The following TET2 variants were observed in gnomAD, a reference collection of about 807,000 sequenced individuals.
TET2 encodes tet methylcytosine dioxygenase 2, also known as methylcytosine dioxygenase TET2.
In TET2, 299 loss-of-function variants were observed where a neutral mutation model predicts 142.9. The observed-to-expected ratio is 2.09, with a 90% CI of 1.90 to 2.30. The LOEUF (loss-of-function observed/expected upper bound fraction) is 2.30. Ranked by LOEUF, TET2 falls within the 30% of genes most tolerant of loss-of-function variation. The pLI is 0.00. For synonymous variants in TET2, 819 were observed against 849.0 expected, an observed-to-expected ratio of 0.96 and a Z score of 0.61; for missense variants, 2,418 against 2,378.0, an observed-to-expected ratio of 1.02 and a Z score of -0.35.
Position 105,236,239 on chromosome 4 carries a change from ACAATGATC to A in TET2, c.2298_2305del (p.Asn766LysfsTer12). The A allele has an allele frequency of 6.2e-7, 1 of 1,614,172 alleles. No individual in the cohort carries two copies. The highest frequency in any genetic ancestry group is 8.5e-7 in the Non-Finnish European group (1 of 1,180,032). On this transcript the variant is annotated frameshift_variant, in exon 3 of 11. Coordinates refer to ENST00000380013, the MANE Select transcript of TET2 (RefSeq NM_001127208.3). LOFTEE classifies it high-confidence loss of function. ...CAGACTTTTCCTCACCCCCAAAGCA[ACAATGATC>A]AGCAAAGAGAAGGATCATTCTTTGG...
At chr4:105,213,802 A>T (rs1025247344) in intron 2 of TET2, among the ~76,000 whole-genome samples, 37 of 152,176 alleles carry the variant, frequency 2.4e-4, no homozygotes, top group African/African-American at 8.4e-4. Context: ...ACCAATTGTC[A>T]TTCTGTTTCC....
In TET2 at chr4:105,164,270, A is replaced by G. The variant is rs557058649; in HGVS notation, c.-193+17291A>G. On this transcript the variant is annotated intron_variant, in intron 1 of 10. Coordinates refer to ENST00000380013, the MANE Select transcript of TET2 (RefSeq NM_001127208.3). ...TCGACTTCTTTAGATTCCACATATA[A>G]GTGAGATCATGCAATAGGAAGATCT... is the stretch of plus-strand genomic sequence containing the variant. Among the ~76,000 whole-genome samples, 38 of 152,306 alleles carry G rather than the reference A, an allele frequency of 2.5e-4. 1 individual carries two copies. In the South Asian group the frequency reaches 7.7e-3, roughly 31 times the overall value.
chr4:105,178,697 T>C (rs1724948478), intron 1 of TET2, among the ~76,000 whole-genome samples: 1 of 152,170 alleles, frequency 6.6e-6, no homozygotes, highest in African/African-American at 2.4e-5. Context: ...TTCTACTGTT[T>C]TACTGTGAAT....
chr4:105,273,603 A>G (rs1327742322), intron 10 of TET2, among the ~76,000 whole-genome samples: 1 of 152,212 alleles, frequency 6.6e-6, no homozygotes, highest in Non-Finnish European at 1.5e-5. Flanking sequence ...AAAGAGAAGA[A>G]AAGTTTAAAG....
intron 8 of TET2, 44 bp from the exon 9 acceptor site, chr4:105,269,566 T>C (rs1730847344): frequency 6.5e-7 from 1 of 1,545,756 alleles, no homozygotes; most frequent in African/African-American, 1.4e-5. Flanking sequence ...GGTGTAAGAG[T>C]AAAACTAACT....
At chr4:105,230,413 T>C (rs1728440603) in intron 2 of TET2, among the ~76,000 whole-genome samples, 1 of 152,200 alleles carries the variant, frequency 6.6e-6, no homozygotes, top group East Asian at 1.9e-4. Flanking sequence ...CAAATTGTCA[T>C]CCTACATGAT....
At chr4:105,196,915 C>T (rs111314345) in intron 2 of TET2, among the ~76,000 whole-genome samples, 263 of 152,238 alleles carry the variant, frequency 1.7e-3, no homozygotes, top group African/African-American at 6.1e-3. Flanking sequence ...TGTTTTATTT[C>T]CCTCTCCCCC....
intron 2 of TET2, among the ~76,000 whole-genome samples, chr4:105,219,750 T>G (rs1727704704): frequency 6.6e-6 from 1 of 152,068 alleles, no homozygotes; most frequent in Admixed American, 6.6e-5. Flanking sequence ...TCTTGGTGAA[T>G]TAGATGTTTA....
intron 1 of TET2, among the ~76,000 whole-genome samples, chr4:105,159,342 G>T (rs1318350321): frequency 6.9e-6 from 1 of 144,788 alleles, no homozygotes; most frequent in East Asian, 2.1e-4. Flanking sequence ...TGCAACCTCC[G>T]CCTCACCGGT....
chr4:105,202,103 A>T (rs1327920423), intron 2 of TET2, among the ~76,000 whole-genome samples: 1 of 152,036 alleles, frequency 6.6e-6, no homozygotes, highest in Non-Finnish European at 1.5e-5. Context: ...TTGGAAATTT[A>T]TGCATATTTT....
chr4:105,208,682 A>T (rs1354534996), intron 2 of TET2, among the ~76,000 whole-genome samples: 1 of 152,070 alleles, frequency 6.6e-6, no homozygotes, highest in African/African-American at 2.4e-5. Flanking sequence ...GTAAAATAGG[A>T]GTGGATAAAG....
At position 105,233,890 on chromosome 4, in the gene TET2, T is replaced by G; in HGVS notation, c.-46-7T>G. 1 of 1,468,834 alleles carries G rather than the reference T, an allele frequency of 6.8e-7. No homozygotes were observed. The allele number at this position is 1,468,834 out of a possible 1,614,324, so 91.0% of individuals were successfully genotyped here. ...CACATTTTAATTTTTGTTTCCATGC[T>G]CTTTAGAATTCAACTAGAGGGCAGC... On this transcript the variant is annotated splice_region_variant and splice_polypyrimidine_tract_variant and intron_variant, in intron 2 of 10. Coordinates refer to ENST00000380013, the MANE Select transcript of TET2 (RefSeq NM_001127208.3).
intron 6 of TET2, among the ~76,000 whole-genome samples, chr4:105,246,523 C>T (rs1729590219): frequency 6.6e-6 from 1 of 152,278 alleles, no homozygotes; most frequent in African/African-American, 2.4e-5. Context: ...TATGCTTATG[C>T]ATACTTAGAG....
At chr4:105,149,801 C>T (rs1378831200) in intron 1 of TET2, among the ~76,000 whole-genome samples, 7 of 152,100 alleles carry the variant, frequency 4.6e-5, no homozygotes, top group Non-Finnish European at 8.8e-5. Flanking sequence ...TGCCAGAAGC[C>T]GGAGGAATTG....
chr4:105,185,053 C>A (rs1725345476), intron 1 of TET2, among the ~76,000 whole-genome samples: 2 of 152,272 alleles, frequency 1.3e-5, no homozygotes, highest in Admixed American at 6.5e-5. Flanking sequence ...AATGGTGGAT[C>A]TATCTCTTGA....
intron 1 of TET2, among the ~76,000 whole-genome samples, chr4:105,169,805 C>T (rs1724356683): frequency 6.6e-6 from 1 of 152,086 alleles, no homozygotes; most frequent in African/African-American, 2.4e-5. Flanking sequence ...TGTGGCTTAC[C>T]AGCTATCCCA....
chr4:105,230,565 A>G (rs1728449700), intron 2 of TET2, among the ~76,000 whole-genome samples: 2 of 152,166 alleles, frequency 1.3e-5, no homozygotes. Context: ...TGCAGTTTTA[A>G]TTTGCATTTC....
At chr4:105,173,451 T>A (rs1724597658) in intron 1 of TET2, among the ~76,000 whole-genome samples, 1 of 151,836 alleles carries the variant, frequency 6.6e-6, no homozygotes, top group Non-Finnish European at 1.5e-5. Context: ...GAGAATCGAT[T>A]GAACCCAGGA....
At chr4:105,155,476 A>G (rs1723519819) in intron 1 of TET2, among the ~76,000 whole-genome samples, 1 of 152,256 alleles carries the variant, frequency 6.6e-6, no homozygotes, top group Non-Finnish European at 1.5e-5. Context: ...TACAGGTAAA[A>G]TGAGTGCAGA....
Sources: gnomAD v4.1 joint callset for allele counts (sites outside exome capture counted in the v4.1 genomes callset) on GRCh38, gnomAD v4.1.1 for gene constraint, MANE v1.5 for transcripts, NCBI Gene and HGNC (gene_info 2026-07-23, HGNC 2026-07-21) for gene names.